Variants in MAFF observed in about 807,000 individuals in gnomAD.
MAFF encodes transcription factor MafF.
MAFF carries 4 observed loss-of-function variants against 2.7 expected under a neutral mutation model. The ratio of observed to expected loss-of-function variants is 1.48; its 90% confidence interval spans 0.73 to 3.39. MAFF has a LOEUF of 3.39. Ranked by LOEUF, MAFF falls within the 30% of genes most tolerant of loss-of-function variation. The pLI, the probability that MAFF is intolerant of heterozygous loss-of-function variation, is 0.01. For synonymous variants in MAFF, 113 were observed against 119.4 expected (o/e 0.95, Z 0.35); for missense variants, 190 against 246.6 (o/e 0.77, Z 1.54).
chr22:38,204,974 A>G (rs1042154857), intron 1 of MAFF, among the ~76,000 whole-genome samples: 1 of 151,956 alleles, frequency 6.6e-6, no homozygotes, highest in African/African-American at 2.4e-5. Flanking sequence ...GAGGCTGGTG[A>G]GCAGGCGGTT....
At chr22:38,203,781 T>A (rs2091032300) in intron 1 of MAFF, 1 of 152,288 alleles carries the variant, frequency 6.6e-6, no homozygotes, top group Non-Finnish European at 1.5e-5. Flanking sequence ...TATTCCCATC[T>A]ACCACTGGGA....
chr22:38,214,964 C>A lies in MAFF; in HGVS notation c.*86C>A. 9.8e-7 allele frequency: 1 copy of A among 1,019,138 alleles called. No homozygotes were observed. The highest frequency in any genetic ancestry group is 1.5e-6 in the Non-Finnish European group (1 of 678,254). The allele number at this position is 1,019,138 out of a possible 1,614,324, so 63.1% of individuals were successfully genotyped here. ...CTGAGCGCCGCCTCTGTGCCCAGGT[C>A]CCATTTCTCTGCAGCACTGGCCCCT... On this transcript the variant is annotated 3_prime_UTR_variant, in exon 3 of 3. Coordinates refer to ENST00000338483, the MANE Select transcript of MAFF (RefSeq NM_012323.4). This position sits in a 1 kb window ranked among gnomAD's most constrained non-coding sequence, Gnocchi z 6.3.
rs2091025486 is a variant in MAFF, at chr22:38,202,917, C to A, written c.-32+705C>A. 6.6e-6 allele frequency: 1 copy of A among 152,252 alleles called. No homozygotes were observed. The highest frequency in any genetic ancestry group is 1.5e-5 in the Non-Finnish European group (1 of 68,108). The allele number at this position is 152,252 out of a possible 1,614,324, so 9.4% of individuals were successfully genotyped here. A position where few individuals can be genotyped will look rare whatever the true frequency, so the allele number is the denominator to read the frequency against. On this transcript the variant is annotated intron_variant, in intron 1 of 2. Coordinates refer to ENST00000338483, the MANE Select transcript of MAFF (RefSeq NM_012323.4). This position sits in a 1 kb window ranked among gnomAD's most constrained non-coding sequence, Gnocchi z 7.4. ...GGGGCTGTCCGTCCCCGGCTCTCCC[C>A]GGAGTTTCCCAGGGCCTCCGCCACG...
chr22:38,205,073 C>T (rs1291871126), intron 1 of MAFF, among the ~76,000 whole-genome samples: 1 of 152,202 alleles, frequency 6.6e-6, no homozygotes, highest in Non-Finnish European at 1.5e-5. Context: ...GTTTGTGTCT[C>T]ATGCCCCCAC....
Position 38,214,544 on chromosome 22 carries a change from A to G in MAFF, c.161A>G (p.Gln54Arg). The G allele has an allele frequency of 6.2e-7, 1 of 1,609,178 alleles. No homozygotes were observed. Among genetic ancestry groups the G allele is most frequent in the Non-Finnish European group, 8.5e-7 (1 of 1,178,862 alleles). The part of the protein sequence containing the change: ...LSAEEVTRLK[Q>R]RRRTLKNRGY... ...GCCGAGGAGGTGACACGGCTCAAGC[A>G]GCGGCGCCGCACACTCAAAAACCGT... Residue 54 changes from glutamine (Q) to arginine (R), a missense_variant, in exon 3 of 3, where the codon CAG (glutamine) becomes CGG (arginine). Around this residue, in one of 2 missense-constraint regions of MAFF, gnomAD observed 87 missense variants for 143.6 expected, o/e 0.61. Transcript: ENST00000338483. The surrounding 1 kb of genome is among the most constrained non-coding windows in gnomAD (Gnocchi z 6.3).
At position 38,214,818 on chromosome 22, in the gene MAFF, C is replaced by A; in HGVS notation, c.435C>A (p.Gly145=). 3 of 1,492,148 alleles carry A rather than the reference C, an allele frequency of 2.0e-6. No homozygotes were observed. The highest frequency in any genetic ancestry group is 2.7e-6 in the Non-Finnish European group (3 of 1,126,448). 92.4% of individuals were successfully genotyped at this position (1,492,148 alleles called of 1,614,324 possible). A position where few individuals can be genotyped will look rare whatever the true frequency, so the allele number is the denominator to read the frequency against. ...TCACCATCGTCAAGTCCACCCCGGGCTCGGGGTCTGGCCCCGCCCACGGCC... is the reference window on the plus strand; with the variant it reads ...TCACCATCGTCAAGTCCACCCCGGGATCGGGGTCTGGCCCCGCCCACGGCC... ...SVITIVKSTP[G]SGSGPAHGPD... Residue 145 remains glycine, a synonymous_variant, in exon 3 of 3, where the codon GGC becomes GGA. Transcript: ENST00000338483. The surrounding 1 kb of genome is among the most constrained non-coding windows in gnomAD (Gnocchi z 6.3).
At chr22:38,211,739 G>A (rs1008248773) in intron 1 of MAFF, among the ~76,000 whole-genome samples, 1 of 152,178 alleles carries the variant, frequency 6.6e-6, no homozygotes, top group Non-Finnish European at 1.5e-5. Flanking sequence ...GGCCCCAGGT[G>A]TGTCTGGCAC....
chr22:38,207,891 C>T (rs1220516077), intron 1 of MAFF, among the ~76,000 whole-genome samples: 1 of 152,168 alleles, frequency 6.6e-6, no homozygotes, highest in Admixed American at 6.5e-5. Context: ...CTGGGCATTA[C>T]CTCAGGGTTG....
At chr22:38,210,834 C>T (rs990837427) in intron 1 of MAFF, among the ~76,000 whole-genome samples, 1 of 151,832 alleles carries the variant, frequency 6.6e-6, no homozygotes, top group Non-Finnish European at 1.5e-5. Context: ...CGGAGGCAGG[C>T]GGATCGCTTG....
Position 38,202,998 on chromosome 22 carries a change from C to G in MAFF, c.-32+786C>G, listed in dbSNP as rs1340917112. 6.6e-6 allele frequency: 1 copy of G among 152,270 alleles called. No homozygotes were observed. The highest frequency in any genetic ancestry group is 1.9e-4 in the East Asian group (1 of 5,188). 9.4% of individuals were successfully genotyped at this position (152,270 alleles called of 1,614,324 possible). Reference sequence around the variant, plus strand: ...CCGCGCCCGCAGCCACAGGGTGGGGCAAGGTATCAAAGACCCCACCCAGCT... The same window carrying G: ...CCGCGCCCGCAGCCACAGGGTGGGGGAAGGTATCAAAGACCCCACCCAGCT... On this transcript the variant is annotated intron_variant, in intron 1 of 2. Coordinates refer to ENST00000338483, the MANE Select transcript of MAFF (RefSeq NM_012323.4). This position sits in a 1 kb window ranked among gnomAD's most constrained non-coding sequence, Gnocchi z 7.4.
At position 38,209,610 on chromosome 22, in the gene MAFF, C is replaced by T. The variant is rs1318922055; in HGVS notation, c.-31-4213C>T. On this transcript the variant is annotated intron_variant, in intron 1 of 2. Coordinates refer to ENST00000338483, the MANE Select transcript of MAFF (RefSeq NM_012323.4). ...GGTGGATCACCTGAGGTTAGGAGTT[C>T]GAGACCAGCCTGACCAATATGGTGA... Among the ~76,000 whole-genome samples the T allele has an allele frequency of 4.0e-5, 6 of 151,748 alleles. No individual in the cohort carries two copies. In the South Asian group the frequency reaches 1.0e-3, roughly 26 times the overall value.
intron 1 of MAFF, among the ~76,000 whole-genome samples, chr22:38,212,118 G>T (rs1202444323): frequency 6.6e-6 from 1 of 152,126 alleles, no homozygotes; most frequent in Non-Finnish European, 1.5e-5. Context: ...TCCTGCCTCA[G>T]CCTCTCAAAT....
Position 38,214,629 on chromosome 22 carries a change from G to C in MAFF, c.246G>C (p.Gln82His). The change falls in exon 3 of 3, where the codon CAG becomes CAC. Residue 82 changes from glutamine to histidine, a missense_variant. Around this residue, in one of 2 missense-constraint regions of MAFF, gnomAD observed 87 missense variants for 143.6 expected, o/e 0.61. Coordinates refer to ENST00000338483, the MANE Select transcript of MAFF (RefSeq NM_012323.4). This position sits in a 1 kb window ranked among gnomAD's most constrained non-coding sequence, Gnocchi z 6.3. Reference sequence around the variant, plus strand: ...GCCAGAAGGAGGAGCTGCAGAAGCAGAAGTCGGAGCTGGAGCGCGAGGTGG... The same window carrying C: ...GCCAGAAGGAGGAGCTGCAGAAGCACAAGTCGGAGCTGGAGCGCGAGGTGG... ...RVCQKEELQK[Q>H]KSELEREVDK... 1.3e-6 allele frequency: 2 copies of C among 1,569,218 alleles called. No individual in the cohort carries two copies. Among genetic ancestry groups the C allele is most frequent in the Non-Finnish European group, 1.7e-6 (2 of 1,157,872 alleles).
At chr22:38,208,966 G>C (rs936980481) in intron 1 of MAFF, among the ~76,000 whole-genome samples, 1 of 152,004 alleles carries the variant, frequency 6.6e-6, no homozygotes, top group Non-Finnish European at 1.5e-5. Flanking sequence ...ATGGGCGTGG[G>C]GCTGGACACA....
Position 38,214,341 on chromosome 22 carries a change from C to T in MAFF, c.37-79C>T. 2 of 1,339,004 alleles carry T rather than the reference C, an allele frequency of 1.5e-6. No individual in the cohort carries two copies. The highest frequency in any genetic ancestry group is 2.0e-6 in the Non-Finnish European group (2 of 999,026). The allele number at this position is 1,339,004 out of a possible 1,614,324, so 82.9% of individuals were successfully genotyped here. On this transcript the variant is annotated intron_variant, in intron 2 of 2. Coordinates refer to ENST00000338483, the MANE Select transcript of MAFF (RefSeq NM_012323.4). The surrounding 1 kb of genome is among the most constrained non-coding windows in gnomAD (Gnocchi z 6.3). ...CCACCCACCACCTCGGCGGCTAAGG[C>T]GGTGAAAGAGGAACACCGCGGGTGG...
rs2091128839 is a variant in MAFF at position 38,214,575 on chromosome 22, C to G, written c.192C>G (p.Tyr64Ter). The change falls in exon 3 of 3, where the codon TAC becomes TAG. Residue 64 changes from tyrosine to a stop codon, truncating the protein, a stop_gained. Coordinates refer to ENST00000338483, the MANE Select transcript of MAFF (RefSeq NM_012323.4). LOFTEE classifies it high-confidence loss of function. The surrounding 1 kb of genome is among the most constrained non-coding windows in gnomAD (Gnocchi z 6.3). ...GCCGCACACTCAAAAACCGTGGCTA[C>G]GCCGCCAGCTGCCGCGTGAAGCGCG... ...QRRRTLKNRG[Y>*]AASCRVKRVC... 4 of 1,600,048 alleles carry G rather than the reference C, an allele frequency of 2.5e-6. No individual in the cohort carries two copies. The highest frequency in any genetic ancestry group is 3.4e-6 in the Non-Finnish European group (4 of 1,174,474).
chr22:38,210,044 G>A (rs951170868), intron 1 of MAFF, among the ~76,000 whole-genome samples: 1 of 152,140 alleles, frequency 6.6e-6, no homozygotes, highest in Admixed American at 6.5e-5. Flanking sequence ...CAGGGAAACT[G>A]AGGCCAGAGC....
At chr22:38,211,730 G>A (rs2091103187) in intron 1 of MAFF, among the ~76,000 whole-genome samples, 1 of 152,104 alleles carries the variant, frequency 6.6e-6, no homozygotes, top group Non-Finnish European at 1.5e-5. Flanking sequence ...CCCCCAAAAG[G>A]CCCCAGGTGT....
chr22:38,212,866 G>A (rs1023394905), intron 1 of MAFF, among the ~76,000 whole-genome samples: 1 of 152,036 alleles, frequency 6.6e-6, no homozygotes, highest in African/African-American at 2.4e-5. Context: ...TATACTTTAA[G>A]AAAAGTTCTG....
Sources: gnomAD v4.1 joint callset for allele counts (sites outside exome capture counted in the v4.1 genomes callset) on GRCh38, gnomAD v4.1.1 for gene constraint, gnomAD v4.1.1 regional missense constraint, Gnocchi (gnomAD v3.1) non-coding constraint, MANE v1.5 for transcripts, NCBI Gene and HGNC (gene_info 2026-07-23, HGNC 2026-07-21) for gene names.